Variants in PALLD observed in about 807,000 individuals in gnomAD.
The protein encoded by PALLD is palladin, cytoskeletal associated protein.
PALLD carries 61 observed loss-of-function variants against 123.5 expected under a neutral mutation model. The observed-to-expected ratio is 0.49, with a 90% CI of 0.40 to 0.61. The LOEUF (loss-of-function observed/expected upper bound fraction) is 0.61. Ranked by LOEUF, PALLD falls within the 20% of genes least tolerant of loss-of-function variation. The probability of loss-of-function intolerance (pLI) is 0.00; values close to 1 mark genes in which losing one functional copy is unlikely to be tolerated. For synonymous variants in PALLD, 465 were observed against 496.4 expected (o/e 0.94, Z 0.84); for missense variants, 1,273 against 1,377.0 (o/e 0.92, Z 1.20).
chr4:168,797,925 A>G (rs544975966), intron 10 of PALLD, among the ~76,000 whole-genome samples: 1 of 151,548 alleles, frequency 6.6e-6, no homozygotes, highest in Non-Finnish European at 1.5e-5. Context: ...AAATTTTGCA[A>G]CTTCCCTTCT....
intron 2 of PALLD, among the ~76,000 whole-genome samples, chr4:168,541,208 A>T (rs529587122): frequency 1.3e-5 from 2 of 152,334 alleles, no homozygotes; most frequent in South Asian, 4.1e-4. Context: ...ATATTCAGGG[A>T]GGTAACTGCA....
intron 2 of PALLD, among the ~76,000 whole-genome samples, chr4:168,584,809 A>G (rs972957842): frequency 5.9e-5 from 9 of 152,212 alleles, no homozygotes; most frequent in African/African-American, 2.2e-4. Context: ...GGACTGTTTG[A>G]TGGAAAGTCA....
intron 10 of PALLD, among the ~76,000 whole-genome samples, chr4:168,776,755 A>T (rs949682401): frequency 9.2e-5 from 14 of 152,226 alleles, no homozygotes; most frequent in Non-Finnish European, 1.3e-4. Flanking sequence ...AGATGATCAT[A>T]CAGTTTTCCA....
At chr4:168,767,836 C>G (rs6810500) in intron 10 of PALLD, among the ~76,000 whole-genome samples, 1 of 152,108 alleles carries the variant, frequency 6.6e-6, no homozygotes, top group East Asian at 1.9e-4. Flanking sequence ...CATGAGCCAC[C>G]GTGCCCAGCC....
intron 3 of PALLD, among the ~76,000 whole-genome samples, chr4:168,671,737 A>G (rs1780302265): frequency 6.6e-6 from 1 of 152,186 alleles, no homozygotes; most frequent in African/African-American, 2.4e-5. Flanking sequence ...TCAAAGTAAG[A>G]AATTTTTATA....
At chr4:168,877,425 C>A (rs1581866363) in intron 10 of PALLD, among the ~76,000 whole-genome samples, 2 of 152,198 alleles carry the variant, frequency 1.3e-5, no homozygotes, top group African/African-American at 4.8e-5. Context: ...CCGTTAAAAA[C>A]AAATTATGGC....
At chr4:168,753,909 TAA>T (rs1376741191) in intron 10 of PALLD, among the ~76,000 whole-genome samples, 1 of 152,162 alleles carries the variant, frequency 6.6e-6, no homozygotes, top group East Asian at 1.9e-4. Flanking sequence ...AGAGAAACCA[TAA>T]GAGACAGTTA....
intron 10 of PALLD, among the ~76,000 whole-genome samples, chr4:168,863,275 G>A (rs1337578368): frequency 6.6e-6 from 1 of 152,152 alleles, no homozygotes; most frequent in Non-Finnish European, 1.5e-5. Flanking sequence ...GCACTGCTGG[G>A]CCTCATGAGT....
rs145219124 is a variant in PALLD at position 168,819,514 on chromosome 4, T to C, written c.1965-71408T>C. Among the ~76,000 whole-genome samples, 192 of 152,290 alleles carry C rather than the reference T, an allele frequency of 1.3e-3. 2 individuals carry two copies. The East Asian group carries it at 0.031, about 25-fold the overall frequency. On this transcript the variant is annotated intron_variant, in intron 10 of 21. Transcript: ENST00000505667. ...CTCCTTCTAAAGCCCTGAATGGCAA[T>C]TGGGAGCCAATCCTGACATTGAGAT...
intron 18 of PALLD, among the ~76,000 whole-genome samples, chr4:168,922,102 T>TACACACAC (rs35503011): frequency 2.0e-4 from 26 of 132,604 alleles, no homozygotes; most frequent in African/African-American, 3.1e-4. Context: ...TATATATATA[T>TACACACAC]ACACACACAC....
At chr4:168,691,146 T>C in intron 7 of PALLD, 123 bp from the exon 8 acceptor site, 1 of 727,714 alleles carries the variant, frequency 1.4e-6, no homozygotes, top group East Asian at 2.5e-5. Context: ...GGAGTTTGAC[T>C]GTAACATTTC....
At chr4:168,720,550 G>A (rs1203614130) in intron 10 of PALLD, among the ~76,000 whole-genome samples, 1 of 152,176 alleles carries the variant, frequency 6.6e-6, no homozygotes, top group East Asian at 1.9e-4. Context: ...ACACATTGGA[G>A]GTTGATAAGG....
intron 10 of PALLD, among the ~76,000 whole-genome samples, chr4:168,725,522 CTTTTTTTTTT>C (rs1210834634): frequency 1.1e-5 from 1 of 91,654 alleles, no homozygotes; most frequent in Non-Finnish European, 2.1e-5. Context: ...TCTTTAATTT[CTTTTTTTTTT>C]TTTTTTTTTT....
At chr4:168,551,217 G>T (rs1172947606) in intron 2 of PALLD, among the ~76,000 whole-genome samples, 2 of 152,004 alleles carry the variant, frequency 1.3e-5, no homozygotes, top group African/African-American at 4.8e-5. Flanking sequence ...TTTTGAATAT[G>T]AATTATATTT....
chr4:168,504,159 C>G (rs569445100), intron 1 of PALLD, among the ~76,000 whole-genome samples: 1 of 152,076 alleles, frequency 6.6e-6, no homozygotes, highest in Admixed American at 6.5e-5. Context: ...GCAGTTGTTC[C>G]GTTGATTTCA....
At chr4:168,915,096 A>G (rs929003625) in intron 16 of PALLD, among the ~76,000 whole-genome samples, 11 of 152,146 alleles carry the variant, frequency 7.2e-5, no homozygotes, top group African/African-American at 2.7e-4. Context: ...TTTTTTTCCC[A>G]TAAATTAGAT....
At chr4:168,556,179 T>A (rs1767275282) in intron 2 of PALLD, among the ~76,000 whole-genome samples, 1 of 151,846 alleles carries the variant, frequency 6.6e-6, no homozygotes, top group African/African-American at 2.4e-5. Context: ...CACTGCAGGC[T>A]CCGCCCCCCG....
At chr4:168,505,365 T>G (rs1761903221) in intron 1 of PALLD, among the ~76,000 whole-genome samples, 1 of 152,202 alleles carries the variant, frequency 6.6e-6, no homozygotes, top group Non-Finnish European at 1.5e-5. Flanking sequence ...CAGCAAACAC[T>G]CCCTACATTA....
chr4:168,805,210 A>T (rs941845160), intron 10 of PALLD, among the ~76,000 whole-genome samples: 7 of 152,004 alleles, frequency 4.6e-5, no homozygotes, highest in Admixed American at 2.0e-4. Context: ...TTGAGATGGG[A>T]GGCTAAATTG....
Sources: gnomAD v4.1 joint callset for allele counts (sites outside exome capture counted in the v4.1 genomes callset) on GRCh38, gnomAD v4.1.1 for gene constraint, MANE v1.5 for transcripts, NCBI Gene and HGNC (gene_info 2026-07-23, HGNC 2026-07-21) for gene names.